KCNQ3: variants seen among roughly 807,000 people sequenced by gnomAD.
KCNQ3 encodes the protein potassium voltage-gated channel subfamily Q member 3, also known as potassium voltage-gated channel subfamily KQT member 3.
In KCNQ3, 30 loss-of-function variants were observed where a neutral mutation model predicts 92.5. That is an observed-to-expected ratio of 0.32 (90% CI 0.24 to 0.44). The LOEUF (loss-of-function observed/expected upper bound fraction) is 0.44, where lower values mean the gene tolerates loss of function less well. Ranked by LOEUF, KCNQ3 falls within the 20% of genes least tolerant of loss-of-function variation. The pLI, the probability that KCNQ3 is intolerant of heterozygous loss-of-function variation, is 1.00. For synonymous variants in KCNQ3, 450 were observed against 468.8 expected (o/e 0.96, Z 0.52); for missense variants, 913 against 1,140.3 (o/e 0.80, Z 2.87).
At chr8:132,309,266 A>G (rs538077053) in intron 1 of KCNQ3, among the ~76,000 whole-genome samples, 4 of 152,224 alleles carry the variant, frequency 2.6e-5, no homozygotes, top group African/African-American at 9.6e-5. Context: ...TCCCCTTTAT[A>G]TTTACCTCTA....
chr8:132,271,150 A>G (rs1483057971), intron 1 of KCNQ3, among the ~76,000 whole-genome samples: 2 of 152,238 alleles, frequency 1.3e-5, no homozygotes, highest in African/African-American at 2.4e-5. Context: ...TGTTATTTCC[A>G]TGAACCCCTT....
intron 1 of KCNQ3, chr8:132,277,991 G>A: frequency 1.0e-6 from 1 of 985,304 alleles, no homozygotes; most frequent in Non-Finnish European, 1.2e-6. Flanking sequence ...AGGACAGAAG[G>A]GATCATCCTT....
At chr8:132,184,701 A>T (rs1016903549) in intron 2 of KCNQ3, among the ~76,000 whole-genome samples, 4 of 152,178 alleles carry the variant, frequency 2.6e-5, no homozygotes, top group African/African-American at 9.6e-5. Context: ...AGCCCCCAAG[A>T]AGTGCAGTTG....
At chr8:132,461,601 C>T (rs1478406705) in intron 1 of KCNQ3, among the ~76,000 whole-genome samples, 1 of 152,134 alleles carries the variant, frequency 6.6e-6, no homozygotes, top group African/African-American at 2.4e-5. Flanking sequence ...CACCCACTGC[C>T]TTCCAGGGTG....
intron 1 of KCNQ3, among the ~76,000 whole-genome samples, chr8:132,428,009 G>A (rs1287246246): frequency 6.6e-6 from 1 of 152,112 alleles, no homozygotes; most frequent in African/African-American, 2.4e-5. Flanking sequence ...CGGGCCTGCT[G>A]TCTCTCCTTG....
chr8:132,148,399 C>T (rs533366747), intron 9 of KCNQ3, among the ~76,000 whole-genome samples: 146 of 152,264 alleles, frequency 9.6e-4, no homozygotes, highest in Non-Finnish European at 1.7e-3. Flanking sequence ...CTACACCCAG[C>T]TAATTTTTTG....
chr8:132,132,328 G>A (rs979468809), intron 13 of KCNQ3, 64 bp from the exon 14 acceptor site: 70 of 1,312,486 alleles, frequency 5.3e-5, no homozygotes, highest in East Asian at 1.2e-4. Context: ...AGGTAATTTC[G>A]GCTAGGCAGG....
chr8:132,198,683 T>C (rs1827374808), intron 1 of KCNQ3, among the ~76,000 whole-genome samples: 1 of 152,074 alleles, frequency 6.6e-6, no homozygotes, highest in Admixed American at 6.6e-5. Context: ...GGCGGGTGCC[T>C]GCAATCCCAG....
intron 1 of KCNQ3, among the ~76,000 whole-genome samples, chr8:132,421,745 G>A (rs904607063): frequency 3.3e-5 from 5 of 152,192 alleles, no homozygotes; most frequent in South Asian, 2.1e-4. Flanking sequence ...ACCAGGATGC[G>A]AGACACTGGC....
intron 1 of KCNQ3, among the ~76,000 whole-genome samples, chr8:132,248,952 C>T (rs762495989): frequency 5.9e-5 from 9 of 152,128 alleles, no homozygotes; most frequent in East Asian, 1.9e-4. Context: ...AGAATGAAGC[C>T]GCAGACCCTC....
chr8:132,177,549 G>T (rs900154080), intron 4 of KCNQ3, among the ~76,000 whole-genome samples: 7 of 152,164 alleles, frequency 4.6e-5, no homozygotes, highest in Non-Finnish European at 1.0e-4. Flanking sequence ...GACGAAAGGG[G>T]CCCACCCAGC....
At position 132,480,568 on chromosome 8, in the gene KCNQ3, C is replaced by A; in HGVS notation, c.-36G>T. ...CCCGCCGGCCGCTTCGCCTTCTCCG[C>A]TGCTGCTCTGGGAAGAAGGGGCGCT... On this transcript the variant is annotated 5_prime_UTR_variant, in exon 1 of 15. Transcript: ENST00000388996. 1 of 1,260,990 alleles carries A rather than the reference C, an allele frequency of 7.9e-7. No individual in the cohort carries two copies. Among genetic ancestry groups the A allele is most frequent in the Non-Finnish European group, 1.0e-6 (1 of 980,650 alleles). The allele number at this position is 1,260,990 out of a possible 1,614,324, so 78.1% of individuals were successfully genotyped here.
chr8:132,155,549 C>T (rs538897962), intron 9 of KCNQ3, among the ~76,000 whole-genome samples: 1 of 152,226 alleles, frequency 6.6e-6, no homozygotes, highest in East Asian at 1.9e-4. Flanking sequence ...AGATAGGTAC[C>T]CTTATTATAA....
intron 8 of KCNQ3, among the ~76,000 whole-genome samples, chr8:132,167,577 T>C (rs1283596839): frequency 1.3e-5 from 2 of 152,190 alleles, no homozygotes. Context: ...ACAGAGTGGG[T>C]TGGAATTCAG....
At chr8:132,232,779 C>T (rs1814684164) in intron 1 of KCNQ3, among the ~76,000 whole-genome samples, 3 of 152,178 alleles carry the variant, frequency 2.0e-5, no homozygotes, top group African/African-American at 7.2e-5. Flanking sequence ...ATACTCACGC[C>T]CCAGCTTCCC....
chr8:132,469,880 C>A (rs143477941), intron 1 of KCNQ3, among the ~76,000 whole-genome samples: 1 of 151,696 alleles, frequency 6.6e-6, no homozygotes, highest in East Asian at 2.0e-4. Context: ...GTTCTCCAAG[C>A]AGAAGAAGGA....
At chr8:132,279,724 A>C (rs1816452985) in intron 1 of KCNQ3, among the ~76,000 whole-genome samples, 1 of 152,278 alleles carries the variant, frequency 6.6e-6, no homozygotes, top group Admixed American at 6.5e-5. Flanking sequence ...GCACACATAC[A>C]TATGCATGTA....
chr8:132,421,234 T>TATATTCATGC (rs1240123027), intron 1 of KCNQ3, among the ~76,000 whole-genome samples: 1 of 152,222 alleles, frequency 6.6e-6, no homozygotes, highest in African/African-American at 2.4e-5. Context: ...GATGACTAAA[T>TATATTCATGC]ATATTCATGC....
At chr8:132,226,398 C>T (rs1347788542) in intron 1 of KCNQ3, among the ~76,000 whole-genome samples, 1 of 152,078 alleles carries the variant, frequency 6.6e-6, no homozygotes, top group Admixed American at 6.6e-5. Flanking sequence ...TATGTGTGTG[C>T]ATGGGTGTGT....
Sources: gnomAD v4.1 joint callset for allele counts (sites outside exome capture counted in the v4.1 genomes callset) on GRCh38, gnomAD v4.1.1 for gene constraint, MANE v1.5 for transcripts, NCBI Gene and HGNC (gene_info 2026-07-23, HGNC 2026-07-21) for gene names.